The following WWC2 variants were observed in gnomAD, a reference collection of about 807,000 sequenced individuals.
WWC2 encodes the protein WW and C2 domain containing 2.
A neutral mutation model predicts 138.5 loss-of-function variants in WWC2; 101 were observed. The ratio of observed to expected loss-of-function variants is 0.73; its 90% CI spans 0.62 to 0.86. The LOEUF is 0.86. Among genes scored for constraint, WWC2 ranks in the 40% least tolerant of loss-of-function variants. WWC2 has a pLI of 0.00. For missense variants in WWC2, 1,420 were observed against 1,419.4 expected, an observed-to-expected ratio of 1.00 and a Z score of -0.01; for synonymous variants, 558 against 538.4, an observed-to-expected ratio of 1.04 and a Z score of -0.50.
At chr4:183,161,874 A>G (rs1245661541) in intron 1 of WWC2, among the ~76,000 whole-genome samples, 1 of 152,204 alleles carries the variant, frequency 6.6e-6, no homozygotes, top group Non-Finnish European at 1.5e-5. Context: ...GTTACTAAGC[A>G]ACATATAACT....
chr4:183,193,680 T>G lies in WWC2; in HGVS notation c.213T>G (p.Ile71Met). 1 of 1,613,826 alleles carries G rather than the reference T, an allele frequency of 6.2e-7. No individual in the cohort carries two copies. Among genetic ancestry groups the G allele is most frequent in the Non-Finnish European group, 8.5e-7 (1 of 1,179,822 alleles). The change falls in exon 2 of 23, where the codon ATT becomes ATG. Residue 71 changes from isoleucine to methionine, a missense_variant. Ile to Met is a conservative substitution (Grantham distance 10, BLOSUM62 1). Coordinates refer to ENST00000403733, the MANE Select transcript of WWC2 (RefSeq NM_024949.6). ...WGWEAGFDPQIGVYYIDHINK... is the reference protein window; with the variant it reads ...WGWEAGFDPQMGVYYIDHINK... ...GGGAAGCAGGGTTTGACCCTCAGAT[T>G]GGTGTCTACTACATCGATCACATCA...
intron 1 of WWC2, among the ~76,000 whole-genome samples, chr4:183,177,374 A>G (rs76840518): frequency 1.2e-4 from 18 of 152,344 alleles, no homozygotes; most frequent in East Asian, 5.8e-4. Flanking sequence ...AAAAAATTCA[A>G]ATTGGTCTTG....
rs546832905 is a variant in WWC2 at position 183,317,562 on chromosome 4, G to A, written c.*1833G>A. On this transcript the variant is annotated 3_prime_UTR_variant, in exon 23 of 23. Transcript: ENST00000403733. ...TTATTTAATGTAGAGGTAAATGAAG[G>A]TGAGCTGTTTTCAGCATCTTAGTTT... 5.2e-5 allele frequency: 8 copies of A among 152,718 alleles called. No individual in the cohort carries two copies. The highest frequency in any genetic ancestry group is 3.3e-4 in the Admixed American group (5 of 15,306). The allele number at this position is 152,718 out of a possible 1,614,324, so 9.5% of individuals were successfully genotyped here.
chr4:183,126,405 G>C (rs1438438879), intron 1 of WWC2, among the ~76,000 whole-genome samples: 4 of 152,134 alleles, frequency 2.6e-5, no homozygotes, highest in Non-Finnish European at 5.9e-5. Flanking sequence ...TGACATCCTG[G>C]TTCTCAACTC....
At chr4:183,260,011 G>A (rs1737274163) in intron 10 of WWC2, among the ~76,000 whole-genome samples, 1 of 152,024 alleles carries the variant, frequency 6.6e-6, no homozygotes, top group African/African-American at 2.4e-5. Flanking sequence ...TTTTAAAAAG[G>A]GAAAGTGGAG....
intron 20 of WWC2, among the ~76,000 whole-genome samples, chr4:183,287,890 A>G (rs1738309192): frequency 6.6e-6 from 1 of 152,186 alleles, no homozygotes; most frequent in Non-Finnish European, 1.5e-5. Context: ...TGGTGATGGT[A>G]GGAGTATTTA....
At chr4:183,286,860 T>C (rs2111069972) in intron 20 of WWC2, among the ~76,000 whole-genome samples, 1 of 152,216 alleles carries the variant, frequency 6.6e-6, no homozygotes, top group African/African-American at 2.4e-5. Context: ...GCCCATCTGA[T>C]TGAGAGTCAG....
intron 22 of WWC2, 32 bp downstream of exon 22, chr4:183,312,500 T>G: frequency 6.2e-7 from 1 of 1,611,600 alleles, no homozygotes; most frequent in South Asian, 1.1e-5. Flanking sequence ...AGCTTTTGGG[T>G]TGCCCTCACG....
At chr4:183,135,703 CTT>C (rs1339407172) in intron 1 of WWC2, among the ~76,000 whole-genome samples, 3 of 152,170 alleles carry the variant, frequency 2.0e-5, no homozygotes, top group African/African-American at 7.2e-5. Flanking sequence ...GCTGGGATCA[CTT>C]TCTTTCCTCA....
chr4:183,280,666 G>A (rs1580143338), intron 16 of WWC2, 110 bp from the exon 17 acceptor site: 2 of 1,174,854 alleles, frequency 1.7e-6, no homozygotes, highest in Non-Finnish European at 2.3e-6. Flanking sequence ...GTTTTCAGCA[G>A]GAGAGTTGAG....
At chr4:183,131,779 A>T (rs7670863) in intron 1 of WWC2, among the ~76,000 whole-genome samples, 6,449 of 152,258 alleles carry the variant, frequency 0.042, 166 homozygotes, top group African/African-American at 0.069. Context: ...TACTACATGA[A>T]CTTTGCAAAG....
At position 183,099,341 on chromosome 4, in the gene WWC2, G is replaced by A. The variant is rs985523773; in HGVS notation, c.-151G>A. The A allele has an allele frequency of 8.4e-6, 6 of 717,584 alleles. No homozygotes were observed. Among genetic ancestry groups the A allele is most frequent in the Non-Finnish European group, 1.1e-5 (6 of 549,064 alleles). The allele number at this position is 717,584 out of a possible 1,614,324, so 44.5% of individuals were successfully genotyped here. A position where few individuals can be genotyped will look rare whatever the true frequency, so the allele number is the denominator to read the frequency against. On this transcript the variant is annotated 5_prime_UTR_variant, in exon 1 of 23. Transcript: ENST00000403733. Reference sequence around the variant, plus strand: ...CAGCGTTTCCTGAGGCACCTCCCGCGCGTGGTTCCGCCGCGCCCCGCGCCC... The same window carrying A: ...CAGCGTTTCCTGAGGCACCTCCCGCACGTGGTTCCGCCGCGCCCCGCGCCC...
At chr4:183,131,703 C>T (rs527834489) in intron 1 of WWC2, among the ~76,000 whole-genome samples, 2 of 152,178 alleles carry the variant, frequency 1.3e-5, no homozygotes, top group East Asian at 3.9e-4. Context: ...TCAGATTTGT[C>T]CATCTTCTTT....
chr4:183,314,013 T>C (rs1739349465), intron 22 of WWC2, among the ~76,000 whole-genome samples: 1 of 151,982 alleles, frequency 6.6e-6, no homozygotes, highest in South Asian at 2.1e-4. Flanking sequence ...CGAGTGTTTT[T>C]GAAGTGTGGG....
intron 1 of WWC2, among the ~76,000 whole-genome samples, chr4:183,179,602 G>C (rs1196388624): frequency 6.6e-6 from 1 of 152,128 alleles, no homozygotes; most frequent in Admixed American, 6.5e-5. Context: ...CGCCTCCCGG[G>C]TTGTGAGGTG....
chr4:183,172,797 T>C (rs1734333195), intron 1 of WWC2, among the ~76,000 whole-genome samples: 1 of 152,106 alleles, frequency 6.6e-6, no homozygotes, highest in Non-Finnish European at 1.5e-5. Context: ...TATTTTTCTC[T>C]TTGTATTTAC....
chr4:183,148,282 A>G (rs1324541965), intron 1 of WWC2, among the ~76,000 whole-genome samples: 1 of 152,248 alleles, frequency 6.6e-6, no homozygotes, highest in Non-Finnish European at 1.5e-5. Flanking sequence ...TTCCTTATTT[A>G]TATCATTGCT....
chr4:183,100,544 G>A (rs1350909283), intron 1 of WWC2, among the ~76,000 whole-genome samples: 4 of 152,116 alleles, frequency 2.6e-5, no homozygotes, highest in African/African-American at 9.7e-5. Flanking sequence ...TGCCACCAGG[G>A]ATAACTTCGA....
chr4:183,203,910 G>C (rs1735369878), intron 2 of WWC2, among the ~76,000 whole-genome samples: 1 of 152,140 alleles, frequency 6.6e-6, no homozygotes, highest in South Asian at 2.1e-4. Context: ...AGGAGGGTAT[G>C]AGTAGTACAG....
Sources: allele counts gnomAD v4.1 joint callset (sites outside exome capture counted in the v4.1 genomes callset), GRCh38; gene constraint gnomAD v4.1.1; transcripts MANE v1.5; gene names NCBI Gene and HGNC (gene_info 2026-07-23, HGNC 2026-07-21).